Variants in PTPRG observed in about 807,000 individuals in gnomAD.
PTPRG encodes receptor-type tyrosine-protein phosphatase gamma.
Under a neutral mutation model 165.3 loss-of-function variants are expected in PTPRG, and 102 were observed. The observed-to-expected ratio is 0.62, with a 90% CI of 0.53 to 0.73. PTPRG has a LOEUF of 0.73. Among genes scored for constraint, PTPRG ranks in the 30% least tolerant of loss-of-function variants. PTPRG has a pLI of 0.00. For synonymous variants in PTPRG, 675 were observed against 669.5 expected (o/e 1.01, Z -0.13); for missense variants, 1,866 against 1,861.4 (o/e 1.00, Z -0.05).
At chr3:61,831,099 A>T (rs576619565) in intron 2 of PTPRG, among the ~76,000 whole-genome samples, 2 of 152,216 alleles carry the variant, frequency 1.3e-5, no homozygotes, top group Non-Finnish European at 2.9e-5. Context: ...TAGCTGCAAA[A>T]TATATTCCTT....
rs574017165 is a variant in PTPRG, at chr3:62,057,680, T to C, written c.520-20483T>C. 1.8e-4 allele frequency among the ~76,000 whole-genome samples: 28 copies of C among 152,316 alleles called. No individual in the cohort carries two copies. In the South Asian group the frequency reaches 3.1e-3, roughly 17 times the overall value. ...CAGCTCTGAGATCTAACAGTGCTGA[T>C]GTATGGGAGTCCAGTAGAATGCTTA... On this transcript the variant is annotated intron_variant, in intron 4 of 29. Coordinates refer to ENST00000474889, the MANE Select transcript of PTPRG (RefSeq NM_002841.4).
chr3:61,881,611 T>C (rs1294802747), intron 2 of PTPRG, among the ~76,000 whole-genome samples: 1 of 152,242 alleles, frequency 6.6e-6, no homozygotes, highest in African/African-American at 2.4e-5. Context: ...ATACAGTGAA[T>C]GTGATAAAAG....
intron 5 of PTPRG, among the ~76,000 whole-genome samples, chr3:62,125,680 C>CT (rs34765777): frequency 0.024 from 3,415 of 139,786 alleles, 88 homozygotes; most frequent in African/African-American, 0.061. Flanking sequence ...GATCTCATAC[C>CT]TTTTTTTTTT....
intron 4 of PTPRG, among the ~76,000 whole-genome samples, chr3:62,073,873 G>A (rs780385048): frequency 6.6e-6 from 1 of 152,158 alleles, no homozygotes; most frequent in African/African-American, 2.4e-5. Context: ...ATGAAGATGG[G>A]GTTGGAAGAG....
At position 61,575,072 on chromosome 3, in the gene PTPRG, C is replaced by CATAG. The variant is rs1700144984; in HGVS notation, c.85+12701_85+12704dup. 2.6e-5 allele frequency among the ~76,000 whole-genome samples: 4 copies of CATAG among 152,172 alleles called. No homozygotes were observed. The South Asian group carries it at 8.3e-4, about 32-fold the overall frequency. ...AGATTTGGTGAGGACAGACCGAAACCATAGCAGCGCATAACTTTAGCGTTA... is the reference window on the plus strand; with the variant it reads ...AGATTTGGTGAGGACAGACCGAAACCATAGATAGCAGCGCATAACTTTAGCGTTA... On this transcript the variant is annotated intron_variant, in intron 1 of 29. Transcript: ENST00000474889.
intron 2 of PTPRG, among the ~76,000 whole-genome samples, chr3:61,760,426 C>G (rs765485229): frequency 6.6e-6 from 1 of 152,074 alleles, no homozygotes; most frequent in Non-Finnish European, 1.5e-5. Context: ...AAAATCCTAC[C>G]TTAGACCTGT....
In PTPRG at chr3:61,561,939, C is replaced by T. The variant is rs1699765498; in HGVS notation, c.-349C>T. 1 of 171,914 alleles carries T rather than the reference C, an allele frequency of 5.8e-6. No homozygotes were observed. Among genetic ancestry groups the T allele is most frequent in the Admixed American group, 6.4e-5 (1 of 15,682 alleles). 10.6% of individuals were successfully genotyped at this position (171,914 alleles called of 1,614,324 possible). A position where few individuals can be genotyped will look rare whatever the true frequency, so the allele number is the denominator to read the frequency against. On this transcript the variant is annotated 5_prime_UTR_variant, in exon 1 of 30. Coordinates refer to ENST00000474889, the MANE Select transcript of PTPRG (RefSeq NM_002841.4). ...AAGTTGGGGATCCTCGGCTGCTCGC[C>T]GCCGCCGCCCGCGGTCCCTGCCTGC...
intron 13 of PTPRG, among the ~76,000 whole-genome samples, chr3:62,220,674 T>C (rs1336197968): frequency 6.6e-6 from 1 of 152,186 alleles, no homozygotes; most frequent in Non-Finnish European, 1.5e-5. Context: ...CTCACCTTCA[T>C]GTCATCCCTT....
intron 2 of PTPRG, among the ~76,000 whole-genome samples, chr3:61,920,266 A>C (rs907737004): frequency 6.6e-6 from 1 of 152,184 alleles, no homozygotes; most frequent in East Asian, 1.9e-4. Flanking sequence ...TGCCTTCTGG[A>C]GACCATGTCT....
At chr3:61,568,234 C>T (rs2106764830) in intron 1 of PTPRG, among the ~76,000 whole-genome samples, 1 of 152,276 alleles carries the variant, frequency 6.6e-6, no homozygotes, top group South Asian at 2.1e-4. Flanking sequence ...TACAATTTGC[C>T]TGTTGCAAAT....
intron 6 of PTPRG, among the ~76,000 whole-genome samples, chr3:62,141,798 A>G (rs895798983): frequency 6.6e-6 from 1 of 151,438 alleles, no homozygotes; most frequent in Non-Finnish European, 1.5e-5. Context: ...AATCCCAGCT[A>G]CTTGGGAGGC....
At chr3:61,914,493 A>G (rs1456053419) in intron 2 of PTPRG, among the ~76,000 whole-genome samples, 1 of 152,210 alleles carries the variant, frequency 6.6e-6, no homozygotes, top group African/African-American at 2.4e-5. Context: ...TGAATACAGC[A>G]GTGTAGGAGG....
intron 6 of PTPRG, among the ~76,000 whole-genome samples, chr3:62,155,748 G>T (rs565476015): frequency 6.6e-6 from 1 of 152,300 alleles, no homozygotes; most frequent in Admixed American, 6.5e-5. Flanking sequence ...GACTTCTCGA[G>T]TCTGGGGATG....
chr3:62,160,930 G>T (rs538225535), intron 7 of PTPRG, among the ~76,000 whole-genome samples: 1 of 113,388 alleles, frequency 8.8e-6, no homozygotes, highest in East Asian at 3.0e-4. Flanking sequence ...TTAATTGCAT[G>T]ACCCTTTTTA....
intron 2 of PTPRG, among the ~76,000 whole-genome samples, chr3:61,782,637 G>C (rs1320289085): frequency 6.6e-6 from 1 of 152,230 alleles, no homozygotes; most frequent in African/African-American, 2.4e-5. Flanking sequence ...GAGGCAGAGT[G>C]CTCTGATGAA....
At chr3:61,785,776 C>T (rs374445228) in intron 2 of PTPRG, among the ~76,000 whole-genome samples, 3 of 152,114 alleles carry the variant, frequency 2.0e-5, no homozygotes, top group Non-Finnish European at 4.4e-5. Flanking sequence ...AACTCATAAG[C>T]AGTTACCTGA....
At chr3:62,164,648 T>G (rs1576083228) in intron 7 of PTPRG, among the ~76,000 whole-genome samples, 1 of 152,206 alleles carries the variant, frequency 6.6e-6, no homozygotes, top group East Asian at 1.9e-4. Context: ...GTTAAGTTAA[T>G]AACAAGGAAG....
chr3:61,969,792 G>A (rs2040344595), intron 2 of PTPRG, among the ~76,000 whole-genome samples: 1 of 152,120 alleles, frequency 6.6e-6, no homozygotes, highest in Non-Finnish European at 1.5e-5. Context: ...CATCCCTCAA[G>A]ACATGATAGG....
At chr3:62,257,608 T>C (rs1449055957) in intron 16 of PTPRG, among the ~76,000 whole-genome samples, 1 of 152,016 alleles carries the variant, frequency 6.6e-6, no homozygotes, top group East Asian at 1.9e-4. Context: ...AAGACCAGGG[T>C]ATCTGACTTG....
Sources: gnomAD v4.1 joint callset for allele counts (sites outside exome capture counted in the v4.1 genomes callset) on GRCh38, gnomAD v4.1.1 for gene constraint, MANE v1.5 for transcripts, NCBI Gene and HGNC (gene_info 2026-07-23, HGNC 2026-07-21) for gene names.